The following ZFHX3 variants were observed in gnomAD, a reference collection of about 807,000 sequenced individuals.
ZFHX3 encodes the protein zinc finger homeobox 3.
Under a neutral mutation model 279.1 loss-of-function variants are expected in ZFHX3, and 42 were observed. The ratio of observed to expected loss-of-function variants is 0.15; its 90% CI spans 0.12 to 0.19. The LOEUF (loss-of-function observed/expected upper bound fraction) is 0.19, where lower values mean the gene tolerates loss of function less well. Among genes scored for constraint, ZFHX3 ranks in the 10% least tolerant of loss-of-function variants. The pLI, the probability that ZFHX3 is intolerant of heterozygous loss-of-function variation, is 1.00. For missense variants in ZFHX3, 4,981 were observed against 4,754.0 expected (o/e 1.05, Z -1.40); for synonymous variants, 2,293 against 1,957.8 (o/e 1.17, Z -4.52).
intron 1 of ZFHX3, among the ~76,000 whole-genome samples, chr16:73,867,808 A>G (rs1962066005): frequency 6.6e-6 from 1 of 152,120 alleles, no homozygotes; most frequent in African/African-American, 2.4e-5. Context: ...CCTCACTGTC[A>G]TTTGAGAATT....
At chr16:72,949,913 T>TTC (rs1488559535) in intron 3 of ZFHX3, among the ~76,000 whole-genome samples, 3 of 122,710 alleles carry the variant, frequency 2.4e-5, no homozygotes, top group South Asian at 2.6e-4. Context: ...TTTCTTTTCT[T>TTC]TTTTTTTTTT....
intron 4 of ZFHX3, among the ~76,000 whole-genome samples, chr16:73,270,557 G>A (rs548022932): frequency 2.0e-5 from 3 of 152,302 alleles, no homozygotes; most frequent in African/African-American, 7.2e-5. Flanking sequence ...CAAGATGGTG[G>A]CTCTTGTTCC....
At chr16:73,678,004 G>A (rs1391296957) in intron 2 of ZFHX3, among the ~76,000 whole-genome samples, 1 of 151,942 alleles carries the variant, frequency 6.6e-6, no homozygotes, top group African/African-American at 2.4e-5. Context: ...ATATAATCCA[G>A]TCATTGTCAA....
At chr16:72,971,677 C>T (rs1450927367) in intron 1 of ZFHX3, among the ~76,000 whole-genome samples, 2 of 152,156 alleles carry the variant, frequency 1.3e-5, no homozygotes, top group Non-Finnish European at 2.9e-5. Context: ...AAAGTCCTTT[C>T]CACTCCTGCT....
At chr16:72,854,860 G>C (rs2037712053) in intron 4 of ZFHX3, among the ~76,000 whole-genome samples, 1 of 135,004 alleles carries the variant, frequency 7.4e-6, no homozygotes, top group South Asian at 2.3e-4. Flanking sequence ...TCCCAATGCG[G>C]CTGGCATAAT....
intron 3 of ZFHX3, among the ~76,000 whole-genome samples, chr16:73,433,403 A>G (rs1487889125): frequency 1.3e-5 from 2 of 152,194 alleles, no homozygotes; most frequent in South Asian, 2.1e-4. Flanking sequence ...TTGCAGGTAG[A>G]CAATAGATAC....
At chr16:73,528,119 G>A (rs1259805010) in intron 2 of ZFHX3, among the ~76,000 whole-genome samples, 1 of 152,198 alleles carries the variant, frequency 6.6e-6, no homozygotes, top group Admixed American at 6.5e-5. Context: ...CGGCCTCCTG[G>A]AGAGCTTTGA....
chr16:73,663,790 C>T (rs1431095071), intron 2 of ZFHX3, among the ~76,000 whole-genome samples: 1 of 152,136 alleles, frequency 6.6e-6, no homozygotes, highest in African/African-American at 2.4e-5. Context: ...ATGGGTAGTG[C>T]TAAGAATCCA....
intron 2 of ZFHX3, among the ~76,000 whole-genome samples, chr16:73,647,744 AC>A (rs912541429): frequency 5.9e-5 from 9 of 152,192 alleles, no homozygotes; most frequent in Non-Finnish European, 1.3e-4. Context: ...AGAAAAAAAA[AC>A]AAAAAAGAAG....
intron 4 of ZFHX3, among the ~76,000 whole-genome samples, chr16:73,273,672 C>A (rs1292477586): frequency 6.6e-6 from 1 of 152,132 alleles, no homozygotes; most frequent in Non-Finnish European, 1.5e-5. Flanking sequence ...ATAGAGTATT[C>A]TATCAGAGGA....
At chr16:73,410,863 G>A (rs1247819819) in intron 3 of ZFHX3, among the ~76,000 whole-genome samples, 1 of 152,220 alleles carries the variant, frequency 6.6e-6, no homozygotes, top group Non-Finnish European at 1.5e-5. Context: ...ACCCATGGGT[G>A]ATGGGAAACT....
chr16:73,286,821 G>A (rs1208910778), intron 4 of ZFHX3, among the ~76,000 whole-genome samples: 1 of 149,104 alleles, frequency 6.7e-6, no homozygotes, highest in East Asian at 2.0e-4. Flanking sequence ...GTGGCTGTGT[G>A]GGTCGGTGTG....
chr16:73,085,713 A>G (rs889419343), intron 8 of ZFHX3, among the ~76,000 whole-genome samples: 3 of 152,222 alleles, frequency 2.0e-5, no homozygotes, highest in African/African-American at 7.2e-5. Flanking sequence ...CTAAGACCTG[A>G]AACTATGAAA....
chr16:73,273,376 G>A (rs1194895440), intron 4 of ZFHX3, among the ~76,000 whole-genome samples: 1 of 152,104 alleles, frequency 6.6e-6, no homozygotes, highest in African/African-American at 2.4e-5. Context: ...TCCTCATGTG[G>A]CTAGAAAATT....
At chr16:73,636,090 C>G (rs1457058590) in intron 2 of ZFHX3, among the ~76,000 whole-genome samples, 3 of 152,176 alleles carry the variant, frequency 2.0e-5, no homozygotes, top group Non-Finnish European at 4.4e-5. Context: ...CATGAGTGAA[C>G]TTATCCATTC....
In ZFHX3 at chr16:73,656,578, T is replaced by G. The variant is rs148338497; in HGVS notation, c.-1547+23602A>C. ...TCTGGGCAGGAGATACATAGGAACT[T>G]TATCCAATAACCTTAGTGTGTGGGG... On this transcript the variant is annotated intron_variant, in intron 2 of 17. Transcript: ENST00000641206. 5.6e-3 allele frequency among the ~76,000 whole-genome samples: 855 copies of G among 152,242 alleles called. 4 individuals carry two copies. The highest frequency in any genetic ancestry group is 9.4e-3 in the Non-Finnish European group (639 of 67,996).
chr16:73,023,129 A>G (rs1043700121), intron 1 of ZFHX3, among the ~76,000 whole-genome samples: 4 of 152,252 alleles, frequency 2.6e-5, no homozygotes, highest in African/African-American at 9.6e-5. Flanking sequence ...CAGGAGCCTC[A>G]GGCAGGAGAA....
At chr16:73,551,508 G>A (rs927509687) in intron 2 of ZFHX3, among the ~76,000 whole-genome samples, 1 of 152,158 alleles carries the variant, frequency 6.6e-6, no homozygotes, top group African/African-American at 2.4e-5. Context: ...AAGGGTGAGG[G>A]AGGTGTAGTC....
chr16:72,926,630 G>A (rs914935012), intron 3 of ZFHX3, among the ~76,000 whole-genome samples: 6 of 152,152 alleles, frequency 3.9e-5, no homozygotes, highest in Non-Finnish European at 5.9e-5. Context: ...TGCTCAGCAC[G>A]TGGGAGATAG....
Sources: gnomAD v4.1 joint callset for allele counts (sites outside exome capture counted in the v4.1 genomes callset) on GRCh38, gnomAD v4.1.1 for gene constraint, MANE v1.5 for transcripts, NCBI Gene and HGNC (gene_info 2026-07-23, HGNC 2026-07-21) for gene names.